ZNF33B: variants seen among roughly 807,000 people sequenced by gnomAD.
ZNF33B encodes zinc finger protein 11b (KOX 2).
In ZNF33B, 29 loss-of-function variants were observed where a neutral mutation model predicts 45.8. That is an observed-to-expected ratio of 0.63 (90% CI 0.47 to 0.86). ZNF33B has a LOEUF of 0.86. Ranked by LOEUF, ZNF33B falls within the 40% of genes least tolerant of loss-of-function variation. ZNF33B has a pLI of 0.00. For missense variants in ZNF33B, 831 were observed against 909.9 expected, an observed-to-expected ratio of 0.91 and a Z score of 1.12; for synonymous variants, 305 against 307.8, an observed-to-expected ratio of 0.99 and a Z score of 0.10.
rs115779288 is a variant in ZNF33B, at chr10:42,613,357, G to A, written c.250+18572C>T. ...AAGATCAGGAGTTCGTGACCAGCCT[G>A]TACAACATGGCAAAATCCCATCTCT... On this transcript the variant is annotated intron_variant, in intron 4 of 4. Transcript: ENST00000359467. 1.7e-3 allele frequency among the ~76,000 whole-genome samples: 254 copies of A among 152,206 alleles called. 1 individual carries two copies. The highest frequency in any genetic ancestry group is 6.0e-3 in the African/African-American group (250 of 41,516).
Position 42,632,383 on chromosome 10 carries a change from G to A in ZNF33B, c.66C>T (p.Thr22=), listed in dbSNP as rs1302138777. The A allele has an allele frequency of 1.2e-6, 2 of 1,613,540 alleles. No individual in the cohort carries two copies. The highest frequency in any genetic ancestry group is 1.7e-6 in the Non-Finnish European group (2 of 1,179,940). ...GGTCCAGGTGCTGCCACTCCTCCTG[G>A]GTGAAGCCCACAGTCACATCTTTAA... ...VSFKDVTVGF[T]QEEWQHLDPS... The change falls in exon 3 of 5, where the codon ACC becomes ACT. Residue 22 remains threonine (T), a synonymous_variant. Coordinates refer to ENST00000359467, the MANE Select transcript of ZNF33B (RefSeq NM_006955.3).
intron 4 of ZNF33B, among the ~76,000 whole-genome samples, chr10:42,625,139 G>C (rs986899483): frequency 1.3e-5 from 2 of 151,550 alleles, no homozygotes; most frequent in African/African-American, 4.8e-5. Context: ...ATCTTGACAG[G>C]AATGCCATTA....
intron 1 of ZNF33B, among the ~76,000 whole-genome samples, chr10:42,583,622 C>A (rs1453337788): frequency 1.3e-5 from 2 of 152,108 alleles, no homozygotes; most frequent in Non-Finnish European, 2.9e-5. Context: ...CCTCAACTAA[C>A]CCCCAGGTGT....
Position 42,594,186 on chromosome 10 carries a change from G to A in ZNF33B, c.764C>T (p.Thr255Ile). 6.2e-7 allele frequency: 1 copy of A among 1,613,706 alleles called. No individual in the cohort carries two copies. The highest frequency in any genetic ancestry group is 8.5e-7 in the Non-Finnish European group (1 of 1,179,922). ...CAAGAGGGATGAACTATCACAGAAA[G>A]TTCTCCCAAATTCATTATAGTCACA... ...NNCDYNEFGR[T>I]FCDSSSLLFH... Residue 255 changes from threonine (T) to isoleucine (I), a missense_variant, in exon 5 of 5, where the codon ACT (threonine) becomes ATT (isoleucine). By Grantham distance (89) the Thr-to-Ile change is moderately conservative. Coordinates refer to ENST00000359467, the MANE Select transcript of ZNF33B (RefSeq NM_006955.3).
chr10:42,576,163 T>C (rs768245448), intron 1 of ZNF33B, among the ~76,000 whole-genome samples: 1 of 151,988 alleles, frequency 6.6e-6, no homozygotes, highest in Non-Finnish European at 1.5e-5. Flanking sequence ...TAATTTTTTG[T>C]ATTTTAGTAG....
intron 2 of ZNF33B, among the ~76,000 whole-genome samples, chr10:42,636,214 G>A (rs890692163): frequency 6.6e-6 from 1 of 152,148 alleles, no homozygotes; most frequent in African/African-American, 2.4e-5. Context: ...ATTGGAACCT[G>A]TATAAAATAA....
chr10:42,585,192 G>A (rs1027515136), downstream of ZNF33B, among the ~76,000 whole-genome samples: 12 of 152,310 alleles, frequency 7.9e-5, no homozygotes, highest in South Asian at 6.2e-4. Flanking sequence ...CATGGCCTAC[G>A]TGATTGTTTC....
In ZNF33B at chr10:42,636,959, C is replaced by T. The variant is rs1839333387; in HGVS notation, c.-31G>A. 1.2e-6 allele frequency: 2 copies of T among 1,614,110 alleles called. No individual in the cohort carries two copies. The highest frequency in any genetic ancestry group is 1.1e-5 in the South Asian group (1 of 91,070). ...TCTGTTCTTGGAAAGACGGAGACAA[C>T]TCTGAAGATACAGCTGAGTTGGAAA... On this transcript the variant is annotated 5_prime_UTR_variant, in exon 2 of 5. Transcript: ENST00000359467.
intron 1 of ZNF33B, among the ~76,000 whole-genome samples, chr10:42,578,097 T>A (rs1836774721): frequency 2.6e-5 from 4 of 151,672 alleles, no homozygotes; most frequent in Admixed American, 2.0e-4. Flanking sequence ...CAGACACTGA[T>A]CCTGGCCTCC....
chr10:42,633,341 C>G (rs147289934), intron 2 of ZNF33B, among the ~76,000 whole-genome samples: 305 of 152,218 alleles, frequency 2.0e-3, no homozygotes, highest in Middle Eastern at 0.017. Flanking sequence ...GGGATCACTG[C>G]TGTGAAAAAG....
chr10:42,638,100 A>G (rs376253560), intron 1 of ZNF33B, among the ~76,000 whole-genome samples: 51 of 152,252 alleles, frequency 3.3e-4, no homozygotes, highest in Admixed American at 6.5e-4. Flanking sequence ...CAGAGTCCGT[A>G]TGTCGGGCGG....
chr10:42,595,665 A>C (rs748546688), intron 4 of ZNF33B, among the ~76,000 whole-genome samples: 1 of 152,178 alleles, frequency 6.6e-6, no homozygotes, highest in Non-Finnish European at 1.5e-5. Flanking sequence ...GAAGAGGAGG[A>C]GACTGGAAAG....
Position 42,636,931 on chromosome 10 carries a change from T to C in ZNF33B, c.-3A>G. 1 of 1,614,266 alleles carries C rather than the reference T, an allele frequency of 6.2e-7. No homozygotes were observed. The highest frequency in any genetic ancestry group is 1.1e-5 in the South Asian group (1 of 91,088). On this transcript the variant is annotated 5_prime_UTR_variant, in exon 2 of 5. Transcript: ENST00000359467. ...AATAAACAACTTACCTTGTTCATTT[T>C]GTTCTGTTCTTGGAAAGACGGAGAC...
intron 4 of ZNF33B, 63 bp downstream of exon 4, chr10:42,631,866 G>C: frequency 6.9e-7 from 1 of 1,444,240 alleles, no homozygotes; most frequent in Non-Finnish European, 9.7e-7. Context: ...GCCAAACCCT[G>C]AATTAACTAC....
At chr10:42,598,137 G>C (rs1488052238) in intron 4 of ZNF33B, among the ~76,000 whole-genome samples, 3 of 146,540 alleles carry the variant, frequency 2.0e-5, no homozygotes, top group Non-Finnish European at 4.6e-5. Flanking sequence ...TAACACCAGA[G>C]AATCTACACT....
chr10:42,633,565 A>G lies in ZNF33B; in HGVS notation c.10-1126T>C, dbSNP rs141044591. Among the ~76,000 whole-genome samples, 138 of 152,364 alleles carry G rather than the reference A, an allele frequency of 9.1e-4. 1 individual carries two copies. Among genetic ancestry groups the G allele is most frequent in the African/African-American group, 3.0e-3 (124 of 41,580 alleles). ...AAGAAAAAAAATGTTTCCTCTGGCT[A>G]TCCCCATGAACAGCTGCTCAGATAC... On this transcript the variant is annotated intron_variant, in intron 2 of 4. Coordinates refer to ENST00000359467, the MANE Select transcript of ZNF33B (RefSeq NM_006955.3).
intron 4 of ZNF33B, among the ~76,000 whole-genome samples, chr10:42,603,253 G>C (rs1484575611): frequency 6.6e-6 from 1 of 152,192 alleles, no homozygotes; most frequent in Non-Finnish European, 1.5e-5. Context: ...AGGGCCAGCT[G>C]TAAGGACAGA....
At chr10:42,625,102 T>C (rs1838747154) in intron 4 of ZNF33B, among the ~76,000 whole-genome samples, 1 of 151,598 alleles carries the variant, frequency 6.6e-6, no homozygotes, top group Admixed American at 6.6e-5. Context: ...AATAAGCTTA[T>C]TTAAAGCTGA....
At position 42,592,992 on chromosome 10, in the gene ZNF33B, A is replaced by G; in HGVS notation, c.1958T>C (p.Ile653Thr). 2 of 1,613,940 alleles carry G rather than the reference A, an allele frequency of 1.2e-6. No homozygotes were observed. The highest frequency in any genetic ancestry group is 1.7e-6 in the Non-Finnish European group (2 of 1,179,972). ...TTGTGTATGGGTTCTCTGATGTACA[A>G]TTAGAGCTGACTTATGGCAGAAAGC... ...GKAFCHKSAL[I>T]VHQRTHTQEK... The change falls in exon 5 of 5, where the codon ATT becomes ACT. Residue 653 changes from isoleucine to threonine, a missense_variant. By Grantham distance (89) the Ile-to-Thr change is moderately conservative. Transcript: ENST00000359467.
Sources: allele counts gnomAD v4.1 joint callset (sites outside exome capture counted in the v4.1 genomes callset), GRCh38; gene constraint gnomAD v4.1.1; transcripts MANE v1.5; gene names NCBI Gene and HGNC (gene_info 2026-07-23, HGNC 2026-07-21).